SHANK2: variants seen among roughly 807,000 people sequenced by gnomAD.
The protein encoded by SHANK2 is SH3 and multiple ankyrin repeat domains protein 2.
SHANK2 carries 43 observed loss-of-function variants against 133.7 expected under a neutral mutation model. The observed-to-expected ratio is 0.32, with a 90% CI of 0.25 to 0.41. The LOEUF (loss-of-function observed/expected upper bound fraction) is 0.41. Among genes scored for constraint, SHANK2 ranks in the 10% least tolerant of loss-of-function variants. The pLI is 1.00. For synonymous variants in SHANK2, 1,017 were observed against 952.8 expected, an observed-to-expected ratio of 1.07 and a Z score of -1.24; for missense variants, 1,994 against 2,235.8, an observed-to-expected ratio of 0.89 and a Z score of 2.18.
intron 10 of SHANK2, among the ~76,000 whole-genome samples, chr11:70,932,111 G>A (rs1280284109): frequency 1.3e-5 from 2 of 152,170 alleles, no homozygotes; most frequent in African/African-American, 4.8e-5. Context: ...AAACTGTGAT[G>A]TTCTGGGAAG....
chr11:71,208,043 G>A (rs76485270), intron 2 of SHANK2, among the ~76,000 whole-genome samples: 1 of 152,100 alleles, frequency 6.6e-6, no homozygotes, highest in Non-Finnish European at 1.5e-5. Context: ...GCTTTTAAGG[G>A]CCTTAAGACA....
intron 14 of SHANK2, among the ~76,000 whole-genome samples, chr11:70,699,903 A>G (rs1248163427): frequency 6.6e-6 from 1 of 152,210 alleles, no homozygotes; most frequent in Non-Finnish European, 1.5e-5. Flanking sequence ...TGTGAGCACA[A>G]GCAGGGTGGG....
chr11:70,811,636 C>T (rs1353708934), intron 12 of SHANK2, among the ~76,000 whole-genome samples: 2 of 124,884 alleles, frequency 1.6e-5, no homozygotes, highest in African/African-American at 7.1e-5. Flanking sequence ...CATCCATCCA[C>T]TCATCCATCC....
In SHANK2 at chr11:70,698,719, C is replaced by A; in HGVS notation, c.1822G>T (p.Val608Leu). The A allele has an allele frequency of 5.6e-6, 4 of 718,652 alleles. No individual in the cohort carries two copies. The highest frequency in any genetic ancestry group is 1.0e-5 in the Non-Finnish European group (4 of 385,120). 44.5% of individuals were successfully genotyped at this position (718,652 alleles called of 1,614,324 possible). ...GTGTCGAAGCTGTCATAGGAGCCCA[C>A]GGTGTAGTGCCTGAAAAGCTTCTTG... is the stretch of plus-strand genomic sequence containing the variant. ...RSKKLFRHYT[V>L]GSYDSFDTSS... Residue 608 changes from valine (V) to leucine (L), a missense_variant, in exon 15 of 26, where the codon GTG becomes TTG. By Grantham distance (32) the Val-to-Leu change is conservative. Coordinates refer to ENST00000601538, the MANE Select transcript of SHANK2 (RefSeq NM_012309.5).
chr11:71,099,899 A>C (rs1951689518), intron 6 of SHANK2, among the ~76,000 whole-genome samples: 2 of 152,062 alleles, frequency 1.3e-5, no homozygotes, highest in South Asian at 4.2e-4. Context: ...AAATTTAAAA[A>C]TTTGCCAGGC....
chr11:71,186,664 G>A (rs935312117), intron 2 of SHANK2, among the ~76,000 whole-genome samples: 2 of 152,234 alleles, frequency 1.3e-5, no homozygotes, highest in African/African-American at 4.8e-5. Flanking sequence ...ATGTCACATA[G>A]CCCTCGATCA....
intron 25 of SHANK2, among the ~76,000 whole-genome samples, chr11:70,480,949 T>C (rs1555151396): frequency 6.6e-6 from 1 of 152,226 alleles, no homozygotes; most frequent in Non-Finnish European, 1.5e-5. Flanking sequence ...CGTGCAGCAC[T>C]GTCAGGCCTC....
chr11:71,085,282 C>A (rs1951363095), intron 8 of SHANK2, among the ~76,000 whole-genome samples: 5 of 151,218 alleles, frequency 3.3e-5, no homozygotes, highest in Admixed American at 1.3e-4. Flanking sequence ...CATGTTGAAA[C>A]CCTGTCTCTA....
intron 3 of SHANK2, among the ~76,000 whole-genome samples, chr11:71,123,587 C>A (rs1952117496): frequency 6.6e-6 from 1 of 152,302 alleles, no homozygotes; most frequent in Non-Finnish European, 1.5e-5. Flanking sequence ...CCTTAAGTGA[C>A]CCTTCCTGGT....
At chr11:70,742,756 G>A (rs868984220) in intron 14 of SHANK2, among the ~76,000 whole-genome samples, 2 of 152,212 alleles carry the variant, frequency 1.3e-5, no homozygotes, top group East Asian at 1.9e-4. Context: ...ACTGGCTGCC[G>A]GAGATAAGAG....
intron 14 of SHANK2, among the ~76,000 whole-genome samples, chr11:70,725,892 T>C (rs1282775487): frequency 6.6e-6 from 1 of 152,174 alleles, no homozygotes; most frequent in African/African-American, 2.4e-5. Context: ...TCCTCACAAA[T>C]ACCTAGACAA....
intron 14 of SHANK2, among the ~76,000 whole-genome samples, chr11:70,725,999 C>T (rs1946173741): frequency 6.6e-6 from 1 of 152,340 alleles, no homozygotes; most frequent in South Asian, 2.1e-4. Context: ...TGAACTCACA[C>T]ACACAGGCAG....
At chr11:70,608,189 G>A (rs1405906221) in intron 17 of SHANK2, among the ~76,000 whole-genome samples, 1 of 152,116 alleles carries the variant, frequency 6.6e-6, no homozygotes, top group Non-Finnish European at 1.5e-5. Flanking sequence ...GTTTTGCCAC[G>A]TAGCCCAGCC....
chr11:70,749,012 G>A (rs1233238968), intron 14 of SHANK2, among the ~76,000 whole-genome samples: 1 of 141,092 alleles, frequency 7.1e-6, no homozygotes, highest in Non-Finnish European at 1.5e-5. Flanking sequence ...CACAGCGACC[G>A]ACCTGAGGGT....
rs782159178 is a variant in SHANK2, at chr11:70,934,419, C to T, written c.1108-37852G>A. 7.9e-5 allele frequency among the ~76,000 whole-genome samples: 12 copies of T among 152,256 alleles called. No individual in the cohort carries two copies. The South Asian group carries it at 1.0e-3, about 13-fold the overall frequency. Reference sequence around the variant, plus strand: ...CTCTGCTTCCTAAACAGCCCAGCCCCGCCCAGGGTGCAGCCTCAAACACAG... The same window carrying T: ...CTCTGCTTCCTAAACAGCCCAGCCCTGCCCAGGGTGCAGCCTCAAACACAG... On this transcript the variant is annotated intron_variant, in intron 10 of 25. Coordinates refer to ENST00000601538, the MANE Select transcript of SHANK2 (RefSeq NM_012309.5).
At chr11:71,171,454 C>G (rs2135509822) in intron 2 of SHANK2, among the ~76,000 whole-genome samples, 1 of 152,324 alleles carries the variant, frequency 6.6e-6, no homozygotes, top group South Asian at 2.1e-4. Flanking sequence ...AACAGGGACT[C>G]AGCCAAAGTT....
intron 14 of SHANK2, among the ~76,000 whole-genome samples, chr11:70,737,575 G>GATAC (rs1358406105): frequency 6.6e-6 from 1 of 152,188 alleles, no homozygotes; most frequent in Non-Finnish European, 1.5e-5. Flanking sequence ...AAACCCACAT[G>GATAC]ATACACCCCA....
At chr11:70,954,099 G>A (rs1281930998) in intron 10 of SHANK2, among the ~76,000 whole-genome samples, 1 of 152,228 alleles carries the variant, frequency 6.6e-6, no homozygotes, top group Non-Finnish European at 1.5e-5. Flanking sequence ...GCACTCATCG[G>A]GGAAGAGGAA....
At chr11:70,757,126 A>G (rs1946892915) in intron 14 of SHANK2, among the ~76,000 whole-genome samples, 1 of 152,236 alleles carries the variant, frequency 6.6e-6, no homozygotes, top group South Asian at 2.1e-4. Flanking sequence ...GCATCCCTTT[A>G]GTAGACAAGT....
Sources: gnomAD v4.1 joint callset for allele counts (sites outside exome capture counted in the v4.1 genomes callset) on GRCh38, gnomAD v4.1.1 for gene constraint, MANE v1.5 for transcripts, NCBI Gene and HGNC (gene_info 2026-07-23, HGNC 2026-07-21) for gene names.